WDR74: variants seen among roughly 807,000 people sequenced by gnomAD.
The protein encoded by WDR74 is WD repeat domain 74, also known as WD repeat-containing protein 74.
Under a neutral mutation model 45.6 loss-of-function variants are expected in WDR74, and 31 were observed. That is an observed-to-expected ratio of 0.68 (90% CI 0.51 to 0.92). The LOEUF is 0.92. Among genes scored for constraint, WDR74 ranks in the 40% least tolerant of loss-of-function variants. WDR74 has a pLI of 0.00. For missense variants in WDR74, 455 were observed against 497.2 expected, an observed-to-expected ratio of 0.92 and a Z score of 0.81; for synonymous variants, 191 against 192.4, an observed-to-expected ratio of 0.99 and a Z score of 0.06.
rs2084941162 is a variant in WDR74, at chr11:62,835,268, A to G, written c.618+163T>C. The G allele has an allele frequency of 6.4e-6, 4 of 629,116 alleles. No homozygotes were observed. The Admixed American group carries it at 1.2e-4, about 18-fold the overall frequency. 39.0% of individuals were successfully genotyped at this position (629,116 alleles called of 1,614,324 possible). A position where few individuals can be genotyped will look rare whatever the true frequency, so the allele number is the denominator to read the frequency against. On this transcript the variant is annotated intron_variant, in intron 6 of 10. Transcript: ENST00000278856. ...AGGAAACTCCACCCTAGAATACAGT[A>G]GAGGAAGGTCATGGGCTCAGGGACA...
In WDR74 at chr11:62,836,030, G is replaced by A; in HGVS notation, c.300C>T (p.Leu100=). 2 of 1,589,154 alleles carry A rather than the reference G, an allele frequency of 1.3e-6. No individual in the cohort carries two copies. The highest frequency in any genetic ancestry group is 2.3e-5 in the South Asian group (2 of 87,012). The stretch of plus-strand genomic sequence containing the variant: ...GAATCCCAGAATCCACACATGTGAT[G>A]AGGGTGCTGCAGAGAAAGGATAGAG... ...FRGLAQADGT[L]ITCVDSGILR... The change falls in exon 4 of 11, where the codon CTC becomes CTT. Residue 100 remains leucine (L), a synonymous_variant. Coordinates refer to ENST00000278856, the MANE Select transcript of WDR74 (RefSeq NM_001369450.1).
At chr11:62,836,837 CCAAGG>C (rs754671649) in intron 3 of WDR74, among the ~76,000 whole-genome samples, 2 of 152,220 alleles carry the variant, frequency 1.3e-5, no homozygotes, top group Non-Finnish European at 2.9e-5. Context: ...CTTTGGGAGG[CCAAGG>C]CAGGCAGATC....
At chr11:62,840,215 C>T (rs1489083658), upstream of WDR74, 9 of 152,448 alleles carry the variant, frequency 5.9e-5, no homozygotes, top group African/African-American at 1.4e-4. Flanking sequence ...CGCGGTGGCT[C>T]ACGCCTGTAA....
chr11:62,837,110 C>T (rs2134890685), intron 3 of WDR74, among the ~76,000 whole-genome samples: 1 of 152,166 alleles, frequency 6.6e-6, no homozygotes, highest in East Asian at 1.9e-4. Context: ...AATAACTCAC[C>T]AACACCAATA....
At position 62,835,814 on chromosome 11, in the gene WDR74, C is replaced by T; in HGVS notation, c.397G>A (p.Val133Met). Reference protein sequence around the residue: ...PLLELRVGPGVCRMRQDPAHP... With the variant: ...PLLELRVGPGMCRMRQDPAHP... ...GCTGGGTCTTGGCGCATCCTACACA[C>T]CCCAGGGCCCACTCTCAGTTCCAGG... Residue 133 changes from valine (V) to methionine (M), a missense_variant, in exon 5 of 11, where the codon GTG (valine) becomes ATG (methionine). Val to Met is a conservative substitution (Grantham distance 21). Coordinates refer to ENST00000278856, the MANE Select transcript of WDR74 (RefSeq NM_001369450.1). 1 of 1,612,752 alleles carries T rather than the reference C, an allele frequency of 6.2e-7. No homozygotes were observed. The highest frequency in any genetic ancestry group is 8.5e-7 in the Non-Finnish European group (1 of 1,179,322).
chr11:62,833,748 G>T, intron 9 of WDR74, 44 bp downstream of exon 9: 1 of 1,606,234 alleles, frequency 6.2e-7, no homozygotes, highest in African/African-American at 1.3e-5. Context: ...CAGGAGGCGG[G>T]GCCTCCACAA....
At chr11:62,834,555 G>C (rs1218868500) in intron 6 of WDR74, 28 bp from the exon 7 acceptor site, 1 of 1,588,508 alleles carries the variant, frequency 6.3e-7, no homozygotes, top group Admixed American at 1.7e-5. Context: ...CATCACAAAA[G>C]TATCCTCACC....
At chr11:62,839,944 T>C (rs2085023165), upstream of WDR74, 12 of 199,390 alleles carry the variant, frequency 6.0e-5, 1 homozygote, top group South Asian at 1.1e-3. Context: ...TCATTAATGA[T>C]GTGTGGGGCT....
intron 3 of WDR74, chr11:62,836,239 G>A (rs942978656): frequency 1.8e-6 from 1 of 555,132 alleles, no homozygotes; most frequent in African/African-American, 1.9e-5. Flanking sequence ...CTGGGCTCTA[G>A]GCAGGGCTTG....
chr11:62,839,175 G>A lies in WDR74; in HGVS notation c.232C>T (p.Gln78Ter). The change falls in exon 3 of 11, where the codon CAG (glutamine) becomes TAG (stop). Residue 78 changes from glutamine (Q) to a stop codon, truncating the protein, a stop_gained. Coordinates refer to ENST00000278856, the MANE Select transcript of WDR74 (RefSeq NM_001369450.1). LOFTEE classifies it high-confidence loss of function. ...CCGCCCGGGCAGTGTCTCTGACCCTGGAATATGCCATCCTCGGTGCTGAAG... is the reference window on the plus strand; with the variant it reads ...CCGCCCGGGCAGTGTCTCTGACCCTAGAATATGCCATCCTCGGTGCTGAAG... ...KHFSTEDGIF[Q>*]GQRHCPGGEG... 1.2e-6 allele frequency: 2 copies of A among 1,613,758 alleles called. No homozygotes were observed. Among genetic ancestry groups the A allele is most frequent in the Non-Finnish European group, 1.7e-6 (2 of 1,179,896 alleles).
chr11:62,834,390 G>GCGGCCCCC, intron 7 of WDR74, 37 bp downstream of exon 7: 13 of 1,584,142 alleles, frequency 8.2e-6, no homozygotes, highest in African/African-American at 1.4e-5. Context: ...CCCTTCTCAA[G>GCGGCCCCC]CCCCACCCTC....
chr11:62,840,768 G>A (rs888055482), upstream of WDR74, among the ~76,000 whole-genome samples: 1 of 152,194 alleles, frequency 6.6e-6, no homozygotes, highest in Non-Finnish European at 1.5e-5. Flanking sequence ...GTTTTTTAGT[G>A]AAGACGGGAT....
chr11:62,841,502 C>G (rs770043599), upstream of WDR74: 3 of 152,130 alleles, frequency 2.0e-5, no homozygotes, highest in Admixed American at 6.6e-5. Flanking sequence ...ACGCGTCATT[C>G]AACACACTAG....
chr11:62,839,375 G>A lies in WDR74; in HGVS notation c.118C>T (p.Arg40Trp), dbSNP rs1313393585. Residue 40 changes from arginine (R) to tryptophan (W), a missense_variant, in exon 2 of 11, where the codon CGG becomes TGG. Transcript: ENST00000278856. Reference protein sequence around the residue: ...AANFTAGGQPRREEAVSALCW... With the variant: ...AANFTAGGQPWREEAVSALCW... ...AGGGCGCTCACTGCCTCCTCGCGCCGCGGCTGTCCTCCGGCCGTGAAGTTC... is the reference window on the plus strand; with the variant it reads ...AGGGCGCTCACTGCCTCCTCGCGCCACGGCTGTCCTCCGGCCGTGAAGTTC... The A allele has an allele frequency of 6.2e-7, 1 of 1,612,486 alleles. No homozygotes were observed. The highest frequency in any genetic ancestry group is 1.1e-5 in the South Asian group (1 of 91,084).
At chr11:62,833,296 TAAAAAAA>T (rs1048706100) in intron 10 of WDR74, among the ~76,000 whole-genome samples, 165 bp from the exon 11 acceptor site, 740 of 50,864 alleles carry the variant, frequency 0.015, 2 homozygotes, top group Non-Finnish European at 0.02. Flanking sequence ...AAAAGAAGTT[TAAAAAAA>T]AAAAAAAAAA....
chr11:62,834,524 G>A lies in WDR74; in HGVS notation c.622C>T (p.Arg208Cys), dbSNP rs1277136038. ...LVTCTGYHQVRVYDPASPQRR... is the reference protein window; with the variant it reads ...LVTCTGYHQVCVYDPASPQRR... ...TGGGGGGATGCTGGATCATAAACAC[G>A]GACCTAGAGGAAGGCTGAAGCATCA... The change falls in exon 7 of 11, where the codon CGT becomes TGT. Residue 208 changes from arginine to cysteine, a missense_variant. Arg to Cys is a radical substitution (Grantham distance 180). Coordinates refer to ENST00000278856, the MANE Select transcript of WDR74 (RefSeq NM_001369450.1). 4 of 1,606,002 alleles carry A rather than the reference G, an allele frequency of 2.5e-6. No individual in the cohort carries two copies. The highest frequency in any genetic ancestry group is 2.2e-5 in the East Asian group (1 of 44,876).
intron 3 of WDR74, among the ~76,000 whole-genome samples, chr11:62,838,800 A>G (rs1434665595): frequency 1.3e-5 from 2 of 151,976 alleles, no homozygotes; most frequent in Non-Finnish European, 2.9e-5. Context: ...CACACACACA[A>G]AACTATTAAA....
chr11:62,835,598 C>T lies in WDR74; in HGVS notation c.517-66G>A, dbSNP rs144265234. 2,343 of 1,613,172 alleles carry T rather than the reference C, an allele frequency of 1.5e-3. 3 individuals are homozygous for T. The highest frequency in any genetic ancestry group is 1.9e-3 in the Non-Finnish European group (2,238 of 1,179,222). ...TCGATGTGCCCCTGTTTTCAGCCCT[C>T]CTTCGCCCCCTAAGTCCATCTAGTC... On this transcript the variant is annotated intron_variant, in intron 5 of 10. Transcript: ENST00000278856.
At chr11:62,834,617 CT>C in intron 6 of WDR74, 90 bp from the exon 7 acceptor site, 1 of 1,123,670 alleles carries the variant, frequency 8.9e-7, no homozygotes, top group African/African-American at 1.6e-5. Context: ...CTGCACACTG[CT>C]TTCTTATTTA....
Sources: gnomAD v4.1 joint callset for allele counts (sites outside exome capture counted in the v4.1 genomes callset) on GRCh38, gnomAD v4.1.1 for gene constraint, MANE v1.5 for transcripts, NCBI Gene and HGNC (gene_info 2026-07-23, HGNC 2026-07-21) for gene names.